SMYD3: variants seen among roughly 807,000 people sequenced by gnomAD.
SMYD3 encodes SET and MYND domain containing 3.
In SMYD3, 36 loss-of-function variants were observed where a neutral mutation model predicts 57.7. The ratio of observed to expected loss-of-function variants is 0.62; its 90% CI spans 0.48 to 0.82. SMYD3 has a LOEUF of 0.82. SMYD3 is among the 40% of genes least tolerant of loss of function. The probability of loss-of-function intolerance (pLI) is 0.00; values close to 1 mark genes in which losing one functional copy is unlikely to be tolerated. For synonymous variants in SMYD3, 211 were observed against 195.0 expected (o/e 1.08, Z -0.68); for missense variants, 515 against 538.8 (o/e 0.96, Z 0.44).
chr1:245,774,489 T>G (rs2148107655), intron 10 of SMYD3, among the ~76,000 whole-genome samples: 1 of 152,298 alleles, frequency 6.6e-6, no homozygotes, highest in South Asian at 2.1e-4. Flanking sequence ...CTTTCAAGAA[T>G]AAGATTGAAG....
intron 1 of SMYD3, among the ~76,000 whole-genome samples, chr1:246,408,861 G>A (rs192820685): frequency 1.2e-4 from 18 of 151,954 alleles, no homozygotes; most frequent in Admixed American, 1.2e-3. Flanking sequence ...GTAGAGACAG[G>A]GTTTCACCAT....
chr1:245,792,961 G>T (rs914560110), intron 10 of SMYD3, among the ~76,000 whole-genome samples: 1 of 152,144 alleles, frequency 6.6e-6, no homozygotes, highest in Admixed American at 6.5e-5. Context: ...CTCTGATAAA[G>T]CCTTGAGTTT....
intron 5 of SMYD3, among the ~76,000 whole-genome samples, chr1:246,138,418 T>C (rs1050973205): frequency 6.6e-6 from 1 of 151,532 alleles, no homozygotes; most frequent in East Asian, 1.9e-4. Context: ...ATTTTAAAAA[T>C]TTATTTATTT....
intron 5 of SMYD3, among the ~76,000 whole-genome samples, chr1:246,240,684 T>C (rs1028518681): frequency 6.6e-6 from 1 of 152,260 alleles, no homozygotes; most frequent in Admixed American, 6.5e-5. Context: ...CCTTGGGCTG[T>C]ATGGCCATTT....
At chr1:245,948,929 C>T (rs531680307) in intron 5 of SMYD3, among the ~76,000 whole-genome samples, 3 of 152,332 alleles carry the variant, frequency 2.0e-5, no homozygotes, top group East Asian at 1.9e-4. Flanking sequence ...TGCCCTACCC[C>T]GTCCATCCAC....
chr1:246,131,319 G>A (rs760052289), intron 5 of SMYD3, among the ~76,000 whole-genome samples: 1 of 152,136 alleles, frequency 6.6e-6, no homozygotes, highest in African/African-American at 2.4e-5. Context: ...CATGGTGGTG[G>A]CTCAGGAAAT....
chr1:246,292,139 ATC>A (rs2064704964), intron 5 of SMYD3, among the ~76,000 whole-genome samples: 1 of 150,900 alleles, frequency 6.6e-6, no homozygotes, highest in Non-Finnish European at 1.5e-5. Flanking sequence ...ACACACCAGC[ATC>A]TTAGACTTAC....
At chr1:246,497,020 T>C (rs61839829) in intron 1 of SMYD3, among the ~76,000 whole-genome samples, 30,408 of 152,222 alleles carry the variant, frequency 0.2, 3,287 homozygotes, top group Middle Eastern at 0.28. Flanking sequence ...AATAGTAGAA[T>C]GAGATATAAA....
At chr1:245,832,467 C>T (rs1450922857) in intron 10 of SMYD3, among the ~76,000 whole-genome samples, 4 of 126,060 alleles carry the variant, frequency 3.2e-5, no homozygotes, top group Non-Finnish European at 5.0e-5. Flanking sequence ...AGCTCCTCAT[C>T]GATTTAATGT....
intron 5 of SMYD3, among the ~76,000 whole-genome samples, chr1:246,229,139 AT>A (rs2063372779): frequency 1.3e-5 from 2 of 152,196 alleles, no homozygotes; most frequent in African/African-American, 4.8e-5. Flanking sequence ...TTAAAATTAA[AT>A]TCATTATAAA....
chr1:245,817,270 C>T (rs1185317500), intron 10 of SMYD3, among the ~76,000 whole-genome samples: 3 of 142,316 alleles, frequency 2.1e-5, no homozygotes, highest in Non-Finnish European at 4.6e-5. Context: ...CTGGGAGGCA[C>T]CCCCCAGCAG....
intron 10 of SMYD3, among the ~76,000 whole-genome samples, chr1:245,798,702 T>G (rs114660513): frequency 0.047 from 7,193 of 152,126 alleles, 209 homozygotes; most frequent in African/African-American, 0.065. Flanking sequence ...CTGCTGGCTT[T>G]TCCTGTGCCT....
At chr1:245,756,641 C>A (rs188149421) in intron 11 of SMYD3, among the ~76,000 whole-genome samples, 11 of 151,994 alleles carry the variant, frequency 7.2e-5, no homozygotes, top group African/African-American at 2.7e-4. Context: ...ATTCTAAGGG[C>A]AACCCAAGCT....
rs542112566 is a variant in SMYD3 at position 246,002,665 on chromosome 1, G to A, written c.532-72728C>T. Among the ~76,000 whole-genome samples the A allele has an allele frequency of 1.0e-4, 14 of 140,542 alleles. 4 individuals carry two copies. The East Asian group carries it at 3.3e-3, about 33-fold the overall frequency. 92.2% of individuals were successfully genotyped at this position (140,542 alleles called of 152,430 possible). On this transcript the variant is annotated intron_variant, in intron 5 of 11. Coordinates refer to ENST00000490107, the MANE Select transcript of SMYD3 (RefSeq NM_001167740.2). The stretch of plus-strand genomic sequence containing the variant: ...GACGGGGTTTCACCATGTTAGCCAG[G>A]ATGGTCTCGATCTCCTGACCTCGTG...
At chr1:245,840,051 G>A (rs531825875) in intron 10 of SMYD3, among the ~76,000 whole-genome samples, 1 of 152,140 alleles carries the variant, frequency 6.6e-6, no homozygotes, top group South Asian at 2.1e-4. Context: ...TAAAGCAAAA[G>A]GCCCAGACAC....
intron 10 of SMYD3, among the ~76,000 whole-genome samples, chr1:245,837,496 T>C (rs1277255595): frequency 6.6e-6 from 1 of 151,992 alleles, no homozygotes; most frequent in Non-Finnish European, 1.5e-5. Flanking sequence ...TGGGTGATTC[T>C]CTGTCCTGCA....
Position 246,430,410 on chromosome 1 carries a change from G to A in SMYD3, c.165-75316C>T, listed in dbSNP as rs138530431. On this transcript the variant is annotated intron_variant, in intron 1 of 11. Coordinates refer to ENST00000490107, the MANE Select transcript of SMYD3 (RefSeq NM_001167740.2). ...TAACATGGAGGTATTTCAGATCACA[G>A]TAGTAGAAATCAAGTACTTGAGTTG... is the stretch of plus-strand genomic sequence containing the variant. 7.4e-3 allele frequency among the ~76,000 whole-genome samples: 1,122 copies of A among 152,342 alleles called. 12 individuals carry two copies. Among genetic ancestry groups the A allele is most frequent in the African/African-American group, 0.023 (977 of 41,584 alleles).
At chr1:246,137,158 C>T (rs1023256754) in intron 5 of SMYD3, among the ~76,000 whole-genome samples, 1 of 152,096 alleles carries the variant, frequency 6.6e-6, no homozygotes, top group Non-Finnish European at 1.5e-5. Flanking sequence ...GTATACAATT[C>T]AGTTGTTTCT....
At chr1:245,970,433 A>G (rs189730850) in intron 5 of SMYD3, among the ~76,000 whole-genome samples, 332 of 152,328 alleles carry the variant, frequency 2.2e-3, no homozygotes, top group African/African-American at 7.2e-3. Context: ...ACCAAAAGCA[A>G]TGGCAACAAA....
Sources: gnomAD v4.1 joint callset for allele counts (sites outside exome capture counted in the v4.1 genomes callset) on GRCh38, gnomAD v4.1.1 for gene constraint, MANE v1.5 for transcripts, NCBI Gene and HGNC (gene_info 2026-07-23, HGNC 2026-07-21) for gene names.